Variants in WIPF2 observed in about 807,000 individuals in gnomAD.
The protein encoded by WIPF2 is WAS/WASL-interacting protein family member 2.
WIPF2 carries 23 observed loss-of-function variants against 38.8 expected under a neutral mutation model. The observed-to-expected ratio is 0.59, with a 90% CI of 0.43 to 0.84. WIPF2 has a LOEUF of 0.84. WIPF2 is among the 40% of genes least tolerant of loss of function. The probability of loss-of-function intolerance (pLI) is 0.00; values close to 1 mark genes in which losing one functional copy is unlikely to be tolerated. For missense variants in WIPF2, 574 were observed against 580.5 expected (o/e 0.99, Z 0.11); for synonymous variants, 210 against 223.2 (o/e 0.94, Z 0.53).
intron 1 of WIPF2, among the ~76,000 whole-genome samples, chr17:40,237,146 ATTAT>A (rs1467459398): frequency 1.3e-5 from 2 of 151,316 alleles, no homozygotes; most frequent in African/African-American, 4.8e-5. Flanking sequence ...CACTTTGATA[ATTAT>A]TTATCTCCTC....
intron 1 of WIPF2, among the ~76,000 whole-genome samples, chr17:40,231,640 G>C (rs1041251879): frequency 6.6e-6 from 1 of 151,972 alleles, no homozygotes; most frequent in African/African-American, 2.4e-5. Context: ...GGCCAGGCTG[G>C]TCTTGAACTC....
At chr17:40,232,742 G>A (rs914844014) in intron 1 of WIPF2, among the ~76,000 whole-genome samples, 3 of 150,764 alleles carry the variant, frequency 2.0e-5, no homozygotes, top group African/African-American at 7.3e-5. Context: ...TGGTTCAAGC[G>A]ATTCTCCTGC....
intron 1 of WIPF2, among the ~76,000 whole-genome samples, chr17:40,234,873 G>T (rs1199968445): frequency 6.6e-6 from 1 of 151,958 alleles, no homozygotes; most frequent in Non-Finnish European, 1.5e-5. Context: ...TACTGGAGAA[G>T]CAATAATGGC....
At chr17:40,223,062 G>C (rs1052524667) in intron 1 of WIPF2, among the ~76,000 whole-genome samples, 9 of 151,760 alleles carry the variant, frequency 5.9e-5, no homozygotes, top group African/African-American at 2.2e-4. Context: ...GATGAAGATA[G>C]GGAAGTTAAG....
At chr17:40,231,509 T>C (rs1445143223) in intron 1 of WIPF2, among the ~76,000 whole-genome samples, 2 of 147,814 alleles carry the variant, frequency 1.4e-5, no homozygotes, top group African/African-American at 5.0e-5. Context: ...CACTGCAACA[T>C]CTGCCTCCCG....
rs375778295 is a variant in WIPF2, at chr17:40,260,076, A to G, written c.64-459A>G. 4.6e-5 allele frequency among the ~76,000 whole-genome samples: 7 copies of G among 151,662 alleles called. No homozygotes were observed. The East Asian group carries it at 7.8e-4, about 17-fold the overall frequency. ...GGAAAAACTGAGAAGGATAATGCAC[A>G]TTGATATTGCTCTTTGGCATGTATA... On this transcript the variant is annotated intron_variant, in intron 2 of 7. Transcript: ENST00000323571.
chr17:40,251,059 G>A (rs909489609), intron 1 of WIPF2, among the ~76,000 whole-genome samples: 4 of 151,502 alleles, frequency 2.6e-5, no homozygotes, highest in Non-Finnish European at 4.4e-5. Context: ...GACTACAGGC[G>A]CCCGCCACCA....
chr17:40,240,239 A>G lies in WIPF2; in HGVS notation c.-69-16152A>G, dbSNP rs1288421275. ...CACCACAATCGGCTAATTTTTTTGT[A>G]TGTTTAGTAGAGACGGGGTTTCACC... On this transcript the variant is annotated intron_variant, in intron 1 of 7. Transcript: ENST00000323571. Among the ~76,000 whole-genome samples, 5 of 151,736 alleles carry G rather than the reference A, an allele frequency of 3.3e-5. No homozygotes were observed. The East Asian group carries it at 7.8e-4, about 24-fold the overall frequency.
At chr17:40,270,044 C>T (rs2032202610) in intron 5 of WIPF2, among the ~76,000 whole-genome samples, 1 of 152,016 alleles carries the variant, frequency 6.6e-6, no homozygotes, top group Admixed American at 6.6e-5. Flanking sequence ...GACTGGAGTT[C>T]TGGCTCTGTC....
At chr17:40,267,472 C>T (rs913319268) in intron 5 of WIPF2, among the ~76,000 whole-genome samples, 1 of 152,138 alleles carries the variant, frequency 6.6e-6, no homozygotes, top group Admixed American at 6.5e-5. Flanking sequence ...TTTTGGCTCC[C>T]ATATCGTTGT....
At chr17:40,228,587 T>TAAGGGATGC (rs2030600206) in intron 1 of WIPF2, among the ~76,000 whole-genome samples, 1 of 151,498 alleles carries the variant, frequency 6.6e-6, no homozygotes, top group African/African-American at 2.4e-5. Flanking sequence ...AGTACTGTGG[T>TAAGGGATGC]AGGGGATGCA....
intron 5 of WIPF2, among the ~76,000 whole-genome samples, chr17:40,272,842 C>T (rs948779665): frequency 2.0e-5 from 3 of 152,140 alleles, no homozygotes; most frequent in African/African-American, 7.2e-5. Context: ...ACACAGTATA[C>T]TGGGGAAAGA....
chr17:40,234,479 G>A (rs922598991), intron 1 of WIPF2, among the ~76,000 whole-genome samples: 1 of 152,042 alleles, frequency 6.6e-6, no homozygotes, highest in Admixed American at 6.6e-5. Context: ...AATTATCTAG[G>A]TATGGTGGCA....
chr17:40,224,414 T>A (rs900719434), intron 1 of WIPF2, among the ~76,000 whole-genome samples: 16 of 148,240 alleles, frequency 1.1e-4, no homozygotes, highest in African/African-American at 3.0e-4. Context: ...GTATTTTTTT[T>A]TTTTTTTTTT....
At chr17:40,245,784 C>T (rs1017958077) in intron 1 of WIPF2, among the ~76,000 whole-genome samples, 4 of 152,104 alleles carry the variant, frequency 2.6e-5, no homozygotes, top group Non-Finnish European at 4.4e-5. Flanking sequence ...GTCAATGACT[C>T]TGGGGAACAA....
chr17:40,280,219 A>T lies in WIPF2; in HGVS notation c.*1994A>T, dbSNP rs2032515998. On this transcript the variant is annotated 3_prime_UTR_variant, in exon 8 of 8. Coordinates refer to ENST00000323571, the MANE Select transcript of WIPF2 (RefSeq NM_133264.5). ...CGCTGTGGCTTATGCCTGTAATCTC[A>T]GCAATTTGGGAGGCCGAGGCGGGCG... 6.6e-6 allele frequency: 1 copy of T among 152,274 alleles called. No individual in the cohort carries two copies. Among genetic ancestry groups the T allele is most frequent in the South Asian group, 2.1e-4 (1 of 4,832 alleles). The allele number at this position is 152,274 out of a possible 1,614,324, so 9.4% of individuals were successfully genotyped here.
chr17:40,256,175 G>A (rs2031725912), intron 1 of WIPF2, among the ~76,000 whole-genome samples: 1 of 149,502 alleles, frequency 6.7e-6, no homozygotes, highest in Non-Finnish European at 1.5e-5. Flanking sequence ...TGACAAGTAA[G>A]CATATGAAAA....
At chr17:40,227,787 A>G (rs1345849094) in intron 1 of WIPF2, among the ~76,000 whole-genome samples, 1 of 152,004 alleles carries the variant, frequency 6.6e-6, no homozygotes, top group East Asian at 1.9e-4. Context: ...TGGGAGGCGG[A>G]ATGGTGAGCT....
At chr17:40,268,526 C>G (rs2032156539) in intron 5 of WIPF2, among the ~76,000 whole-genome samples, 1 of 152,050 alleles carries the variant, frequency 6.6e-6, no homozygotes, top group African/African-American at 2.4e-5. Flanking sequence ...TTCTTGCTTC[C>G]CACTTTTCCA....
Sources: allele counts gnomAD v4.1 joint callset (sites outside exome capture counted in the v4.1 genomes callset), GRCh38; gene constraint gnomAD v4.1.1; transcripts MANE v1.5; gene names NCBI Gene and HGNC (gene_info 2026-07-23, HGNC 2026-07-21).